IGF2BP2: variants seen among roughly 807,000 people sequenced by gnomAD.
IGF2BP2 encodes the protein insulin-like growth factor 2 mRNA-binding protein 2.
Under a neutral mutation model 75.8 loss-of-function variants are expected in IGF2BP2, and 17 were observed. That is an observed-to-expected ratio of 0.22 (90% CI 0.15 to 0.34). The LOEUF (loss-of-function observed/expected upper bound fraction) is 0.34. Among genes scored for constraint, IGF2BP2 ranks in the 10% least tolerant of loss-of-function variants. The pLI, the probability that IGF2BP2 is intolerant of heterozygous loss-of-function variation, is 1.00. For synonymous variants in IGF2BP2, 288 were observed against 295.6 expected (o/e 0.97, Z 0.26); for missense variants, 516 against 772.4 (o/e 0.67, Z 3.93).
chr3:185,649,384 G>A lies in IGF2BP2; in HGVS notation c.1593+19C>T, dbSNP rs371608235. The A allele has an allele frequency of 3.2e-5, 51 of 1,611,486 alleles. No homozygotes were observed. Among genetic ancestry groups the A allele is most frequent in the Non-Finnish European group, 3.7e-5 (44 of 1,179,414 alleles). ...GGGAATCTGACCCAGGTGATGAAGC[G>A]AGCCCGGAGCACACTTACGGTCTTG... On this transcript the variant is annotated intron_variant, in intron 14 of 15. Transcript: ENST00000382199.
intron 2 of IGF2BP2, among the ~76,000 whole-genome samples, chr3:185,708,743 A>G (rs912377594): frequency 6.6e-6 from 1 of 152,130 alleles, no homozygotes; most frequent in Non-Finnish European, 1.5e-5. Flanking sequence ...TCTACAGGGA[A>G]GGGCAGAGTG....
At chr3:185,677,068 T>TATATATATATATAGAGAGAGAGAG in intron 7 of IGF2BP2, among the ~76,000 whole-genome samples, 18 of 35,846 alleles carry the variant, frequency 5.0e-4, no homozygotes, top group Non-Finnish European at 7.0e-4. Flanking sequence ...TATATATATA[T>TATATATATATATAGAGAGAGAGAG]AGAGAGAGAG....
intron 2 of IGF2BP2, among the ~76,000 whole-genome samples, chr3:185,815,043 G>A (rs1325593779): frequency 6.6e-6 from 1 of 151,570 alleles, no homozygotes; most frequent in African/African-American, 2.4e-5. Flanking sequence ...TTTTTTTCAG[G>A]ATTTGAAAAA....
rs2150084689 is a variant in IGF2BP2 at position 185,824,820 on chromosome 3, G to C, written c.141C>G (p.Asp47Glu). 1 of 1,516,996 alleles carries C rather than the reference G, an allele frequency of 6.6e-7. No individual in the cohort carries two copies. Among genetic ancestry groups the C allele is most frequent in the African/African-American group, 1.4e-5 (1 of 70,892 alleles). The allele number at this position is 1,516,996 out of a possible 1,614,324, so 94.0% of individuals were successfully genotyped here. A position where few individuals can be genotyped will look rare whatever the true frequency, so the allele number is the denominator to read the frequency against. ...CGATGGCGCGGATGGCCCAGTTCTG[G>C]TCGGGGTAGTCCACGAAGGCGTAGC... ...KSGYAFVDYP[D>E]QNWAIRAIET... The change falls in exon 1 of 16, where the codon GAC becomes GAG. Residue 47 changes from aspartate to glutamate, a missense_variant. Physicochemically the swap from Asp to Glu is conservative, Grantham distance 45. This residue lies in a region of IGF2BP2 where 312 missense variants were observed against 474.5 expected (regional missense o/e 0.66). Transcript: ENST00000382199.
At chr3:185,770,199 G>A (rs887920377) in intron 2 of IGF2BP2, among the ~76,000 whole-genome samples, 2 of 152,162 alleles carry the variant, frequency 1.3e-5, no homozygotes, top group South Asian at 4.1e-4. Context: ...GGTGGCGGGC[G>A]TGTAATTTAC....
chr3:185,798,355 A>G (rs1430999495), intron 2 of IGF2BP2, among the ~76,000 whole-genome samples: 1 of 152,192 alleles, frequency 6.6e-6, no homozygotes, highest in Non-Finnish European at 1.5e-5. Context: ...ACTTCCTTCA[A>G]CATTTTTAGA....
intron 14 of IGF2BP2, 102 bp downstream of exon 14, chr3:185,649,301 T>C: frequency 2.1e-6 from 3 of 1,450,466 alleles, no homozygotes; most frequent in Admixed American, 2.0e-5. Flanking sequence ...ACCCTGACTG[T>C]ACATTGGGAC....
At chr3:185,698,370 T>C (rs761450968) in intron 2 of IGF2BP2, 23 bp from the exon 3 acceptor site, 16 of 1,608,474 alleles carry the variant, frequency 9.9e-6, no homozygotes, top group Non-Finnish European at 1.2e-5. Flanking sequence ...AACCACAGAC[T>C]ATAACACTTT....
rs551665297 is a variant in IGF2BP2, at chr3:185,695,792, TTTTG to T, written c.340+816_340+819del. On this transcript the variant is annotated intron_variant, in intron 4 of 15. Transcript: ENST00000382199. ...GTGTACACAAAAATCACTTCAGGGT[TTTTG>T]TTTGTTTGTTTTGAGACAAAGTCTC... Among the ~76,000 whole-genome samples, 1,013 of 152,162 alleles carry T rather than the reference TTTTG, an allele frequency of 6.7e-3. 6 individuals are homozygous for T. The highest frequency in any genetic ancestry group is 8.4e-3 in the Non-Finnish European group (570 of 67,986).
chr3:185,709,716 A>G (rs1724533159), intron 2 of IGF2BP2, among the ~76,000 whole-genome samples: 1 of 152,216 alleles, frequency 6.6e-6, no homozygotes, highest in Non-Finnish European at 1.5e-5. Flanking sequence ...GAAACACAGG[A>G]GAGGGTTGGC....
intron 10 of IGF2BP2, among the ~76,000 whole-genome samples, chr3:185,671,395 G>A (rs1718480288): frequency 6.6e-6 from 1 of 151,932 alleles, no homozygotes; most frequent in Non-Finnish European, 1.5e-5. Flanking sequence ...AAATTAGCTG[G>A]GTGTGGTGAT....
intron 2 of IGF2BP2, among the ~76,000 whole-genome samples, chr3:185,754,384 G>A (rs868714224): frequency 1.2e-4 from 18 of 152,124 alleles, no homozygotes; most frequent in African/African-American, 4.1e-4. Flanking sequence ...GCAAAACTGT[G>A]AGCCAATTAA....
intron 2 of IGF2BP2, among the ~76,000 whole-genome samples, chr3:185,719,572 G>A (rs1456568028): frequency 1.3e-5 from 2 of 152,144 alleles, no homozygotes; most frequent in African/African-American, 4.8e-5. Flanking sequence ...GGTGGCTCAC[G>A]CCCGTAATCC....
rs564938910 is a variant in IGF2BP2 at position 185,699,439 on chromosome 3, G to A, written c.240-1092C>T. 1.4e-3 allele frequency among the ~76,000 whole-genome samples: 213 copies of A among 152,202 alleles called. 1 individual carries two copies. The highest frequency in any genetic ancestry group is 4.5e-3 in the African/African-American group (187 of 41,526). On this transcript the variant is annotated intron_variant, in intron 2 of 15. Transcript: ENST00000382199. ...GCCCCCTTACCTAACAAGGCAAAAT[G>A]CCATTTAAAAATATTTTTATTTCTG...
chr3:185,782,388 A>C (rs1427359847), intron 2 of IGF2BP2, among the ~76,000 whole-genome samples: 2 of 152,280 alleles, frequency 1.3e-5, no homozygotes, highest in Non-Finnish European at 2.9e-5. Context: ...TATCACATTG[A>C]TATTCAACTA....
chr3:185,653,696 C>G (rs970877769), intron 12 of IGF2BP2, among the ~76,000 whole-genome samples: 1 of 152,100 alleles, frequency 6.6e-6, no homozygotes, highest in Non-Finnish European at 1.5e-5. Context: ...ACACACACAT[C>G]TCATAAGGTC....
chr3:185,760,311 G>C (rs949730570), intron 2 of IGF2BP2, among the ~76,000 whole-genome samples: 1 of 152,098 alleles, frequency 6.6e-6, no homozygotes, highest in African/African-American at 2.4e-5. Flanking sequence ...AAGAATATTA[G>C]ACTCATCAGT....
At chr3:185,793,734 C>T (rs944192145) in intron 2 of IGF2BP2, among the ~76,000 whole-genome samples, 1 of 152,084 alleles carries the variant, frequency 6.6e-6, no homozygotes, top group African/African-American at 2.4e-5. Flanking sequence ...TCTGATAACA[C>T]AACTGCTCAG....
At chr3:185,652,438 G>A (rs1714758269) in intron 12 of IGF2BP2, among the ~76,000 whole-genome samples, 1 of 152,210 alleles carries the variant, frequency 6.6e-6, no homozygotes, top group Non-Finnish European at 1.5e-5. Context: ...AGCACCAGCT[G>A]TGATGGGCCT....
Sources: gnomAD v4.1 joint callset for allele counts (sites outside exome capture counted in the v4.1 genomes callset) on GRCh38, gnomAD v4.1.1 for gene constraint, gnomAD v4.1.1 regional missense constraint, MANE v1.5 for transcripts, NCBI Gene and HGNC (gene_info 2026-07-23, HGNC 2026-07-21) for gene names.